The following TMEM184A variants were observed in gnomAD, a reference collection of about 807,000 sequenced individuals.
TMEM184A encodes sexually dimorphic, expressed in male gonads 1.
A neutral mutation model predicts 39.5 loss-of-function variants in TMEM184A; 40 were observed. The ratio of observed to expected loss-of-function variants is 1.01; its 90% confidence interval spans 0.79 to 1.32. The LOEUF (loss-of-function observed/expected upper bound fraction) is 1.32. TMEM184A is among the 40% of genes most tolerant of loss of function. TMEM184A has a pLI of 0.00. For missense variants in TMEM184A, 603 were observed against 568.8 expected, an observed-to-expected ratio of 1.06 and a Z score of -0.61; for synonymous variants, 280 against 252.3, an observed-to-expected ratio of 1.11 and a Z score of -1.04.
Position 1,555,824 on chromosome 7 carries a change from C to T in TMEM184A, c.-1+290G>A, listed in dbSNP as rs1778541568. The T allele has an allele frequency of 2.9e-6, 1 of 346,900 alleles. No homozygotes were observed. The highest frequency in any genetic ancestry group is 2.2e-5 in the African/African-American group (1 of 45,564). 21.5% of individuals were successfully genotyped at this position (346,900 alleles called of 1,614,324 possible). A position where few individuals can be genotyped will look rare whatever the true frequency, so the allele number is the denominator to read the frequency against. On this transcript the variant is annotated intron_variant, in intron 1 of 8. Transcript: ENST00000297477. The surrounding 1 kb of genome is among the most constrained non-coding windows in gnomAD (Gnocchi z 5.2). ...CCAGTGGGGCAGAAGAGGGGGAACCCCTGCCGCCCTGCCTGCCCGGGAGGG... is the reference window on the plus strand; with the variant it reads ...CCAGTGGGGCAGAAGAGGGGGAACCTCTGCCGCCCTGCCTGCCCGGGAGGG...
rs756982035 is a variant in TMEM184A, at chr7:1,550,793, G to A, written c.385+24C>T. 40 of 1,610,380 alleles carry A rather than the reference G, an allele frequency of 2.5e-5. No homozygotes were observed. The East Asian group carries it at 5.6e-4, about 22-fold the overall frequency. On this transcript the variant is annotated intron_variant, in intron 3 of 8. Transcript: ENST00000297477. ...GGGGAGTCTCTCCCTCCGCTCCCCC[G>A]ACCTGACGCAGCCTGGCGCCCACCT...
Position 1,549,842 on chromosome 7 carries a change from C to T in TMEM184A, c.644+12G>A, listed in dbSNP as rs374249612. ...CACCTCATGCCAGGTGTCCCCGCAGCTCCCGCCTTACTTGAAGTCCCCGTC... is the reference window on the plus strand; with the variant it reads ...CACCTCATGCCAGGTGTCCCCGCAGTTCCCGCCTTACTTGAAGTCCCCGTC... On this transcript the variant is annotated intron_variant, in intron 6 of 8. Coordinates refer to ENST00000297477, the MANE Select transcript of TMEM184A (RefSeq NM_001097620.2). 3.8e-6 allele frequency: 6 copies of T among 1,589,366 alleles called. No individual in the cohort carries two copies. The highest frequency in any genetic ancestry group is 1.1e-5 in the South Asian group (1 of 87,244).
At chr7:1,548,039 C>A (rs997460761) in intron 7 of TMEM184A, 100 bp from the exon 8 acceptor site, 1 of 1,341,942 alleles carries the variant, frequency 7.5e-7, no homozygotes, top group Non-Finnish European at 1.0e-6. Flanking sequence ...GGTGCTGTGA[C>A]CCCGTCCGTG....
In TMEM184A at chr7:1,556,141, G is replaced by A. The variant is rs1778553952; in HGVS notation, c.-28C>T. The A allele has an allele frequency of 6.5e-6, 1 of 152,996 alleles. No homozygotes were observed. The highest frequency in any genetic ancestry group is 2.4e-5 in the African/African-American group (1 of 41,472). The allele number at this position is 152,996 out of a possible 1,614,324, so 9.5% of individuals were successfully genotyped here. On this transcript the variant is annotated 5_prime_UTR_variant, in exon 1 of 9. Transcript: ENST00000297477. ...TTGCTGGCAGGAAGCACCTGGCCCA[G>A]TCCAGGGAGGCCTGGCCTCCAGGGA...
Position 1,555,127 on chromosome 7 carries a change from C to T in TMEM184A, c.219+139G>A. On this transcript the variant is annotated intron_variant, in intron 2 of 8. Transcript: ENST00000297477. The surrounding 1 kb of genome is among the most constrained non-coding windows in gnomAD (Gnocchi z 5.2). ...CCACATGCCACATCCTGGGGAAGCTCATCCCCTCCCCCGTGCCCTGGCCGA... is the reference window on the plus strand; with the variant it reads ...CCACATGCCACATCCTGGGGAAGCTTATCCCCTCCCCCGTGCCCTGGCCGA... 1 of 669,184 alleles carries T rather than the reference C, an allele frequency of 1.5e-6. No individual in the cohort carries two copies. Among genetic ancestry groups the T allele is most frequent in the Non-Finnish European group, 2.4e-6 (1 of 414,176 alleles). 41.5% of individuals were successfully genotyped at this position (669,184 alleles called of 1,614,324 possible).
rs1177482682 is a variant in TMEM184A at position 1,548,678 on chromosome 7, C to T, written c.655G>A (p.Gly219Ser). 8.7e-6 allele frequency: 14 copies of T among 1,613,416 alleles called. No individual in the cohort carries two copies. Among genetic ancestry groups the T allele is most frequent in the Admixed American group, 1.7e-5 (1 of 59,986 alleles). ...TAGATGAGGGTCACATAGAGGTAGC[C>T]GCTGCGGACACTAGGACAGACGGGG... ...YHDGDFNVRS[G>S]YLYVTLIYNA... Residue 219 changes from glycine (G) to serine (S), a missense_variant, in exon 7 of 9, where the codon GGC becomes AGC. Gly to Ser is a moderately conservative substitution (Grantham distance 56). Transcript: ENST00000297477.
chr7:1,549,066 G>A (rs1230369458), intron 6 of TMEM184A: 40 of 493,646 alleles, frequency 8.1e-5, no homozygotes, highest in East Asian at 2.3e-4. Context: ...CACAGGTGTC[G>A]TTCCCGTGTG....
chr7:1,547,962 G>T (rs1409504479), intron 7 of TMEM184A, 23 bp from the exon 8 acceptor site: 1 of 1,546,742 alleles, frequency 6.5e-7, no homozygotes, highest in Admixed American at 1.9e-5. Context: ...CGGCCGCTCA[G>T]CCCCAGCCCC....
rs1784374807 is a variant in TMEM184A at position 1,547,017 on chromosome 7, A to AGCCGCCGGAGCC, written c.1176_1177insGGCTCCGGCGGC (p.Gly392_Ser393insGlySerGlyGly). 4 of 1,596,948 alleles carry AGCCGCCGGAGCC rather than the reference A, an allele frequency of 2.5e-6. No homozygotes were observed. The highest frequency in any genetic ancestry group is 2.6e-6 in the Non-Finnish European group (3 of 1,175,350). Reference sequence around the variant, plus strand: ...CTCCGGCTCTTCCTGCTCCCGCCGGAGCCGCCGCTGGGGTGGGTGCCGGGC... The same window carrying AGCCGCCGGAGCC: ...CTCCGGCTCTTCCTGCTCCCGCCGGAGCCGCCGGAGCCGCCGCCGCTGGGGTGGGTGCCGGGC... On this transcript the variant is annotated inframe_insertion, in exon 9 of 9. Transcript: ENST00000297477.
At position 1,549,961 on chromosome 7, in the gene TMEM184A, C is replaced by A. The variant is rs371353526; in HGVS notation, c.553-16G>T. 4.2e-5 allele frequency: 68 copies of A among 1,611,934 alleles called. No individual in the cohort carries two copies. In the African/African-American group the frequency reaches 8.5e-4, roughly 20 times the overall value. On this transcript the variant is annotated splice_polypyrimidine_tract_variant and intron_variant, in intron 5 of 8. Coordinates refer to ENST00000297477, the MANE Select transcript of TMEM184A (RefSeq NM_001097620.2). ...GCAGAGTGGCCTGGGGGCGACGGCA[C>A]CCGGTGGGCCTGGGGCCAGGTCCCC... is the stretch of plus-strand genomic sequence containing the variant.
rs560086471 is a variant in TMEM184A, at chr7:1,550,166, C to T, written c.509G>A (p.Arg170Gln). 74 of 1,608,208 alleles carry T rather than the reference C, an allele frequency of 4.6e-5. 1 individual carries two copies. The highest frequency in any genetic ancestry group is 2.1e-4 in the African/African-American group (16 of 74,954). Residue 170 changes from arginine to glutamine, a missense_variant, in exon 5 of 9, where the codon CGG (arginine) becomes CAG (glutamine). By Grantham distance (43) the Arg-to-Gln change is conservative (BLOSUM62 1). Coordinates refer to ENST00000297477, the MANE Select transcript of TMEM184A (RefSeq NM_001097620.2). ...SSCLYGTCCL[R>Q]GMTYSIGFLR... ...GAACCCGATGGAGTAGGTCATGCCC[C>T]GGAGGCAGCAGGTGCCGTACAAGCA...
chr7:1,547,186 G>A lies in TMEM184A; in HGVS notation c.1013-5C>T, dbSNP rs1293732879. On this transcript the variant is annotated splice_polypyrimidine_tract_variant and splice_region_variant and intron_variant, in intron 8 of 8. Transcript: ENST00000297477. Reference sequence around the variant, plus strand: ...TCTGCATGGGTGCCGGGGGGGCTGGGGGAGGGCAGTGTATGAGCCCCACCA... The same window carrying A: ...TCTGCATGGGTGCCGGGGGGGCTGGAGGAGGGCAGTGTATGAGCCCCACCA... 1.3e-6 allele frequency: 2 copies of A among 1,555,104 alleles called. No individual in the cohort carries two copies. The highest frequency in any genetic ancestry group is 2.7e-5 in the African/African-American group (2 of 74,086).
intron 2 of TMEM184A, among the ~76,000 whole-genome samples, chr7:1,553,099 G>A (rs750893797): frequency 1.1e-4 from 17 of 151,818 alleles, no homozygotes; most frequent in African/African-American, 1.7e-4. Context: ...TTATAGTAGT[G>A]TTTGCCTTTA....
intron 2 of TMEM184A, among the ~76,000 whole-genome samples, chr7:1,554,431 CT>C (rs1295232387): frequency 2.6e-5 from 4 of 152,232 alleles, no homozygotes; most frequent in African/African-American, 9.6e-5. Context: ...CCAGCACCCC[CT>C]GAAAGCCACC....
rs1274028774 is a variant in TMEM184A, at chr7:1,555,617, C to A, written c.1-133G>T. On this transcript the variant is annotated intron_variant, in intron 1 of 8. Transcript: ENST00000297477. The surrounding 1 kb of genome is among the most constrained non-coding windows in gnomAD (Gnocchi z 5.2). Reference sequence around the variant, plus strand: ...GCTGAGCCACCCACCAGGCCGCACCCCCCACACGGACACCAGCGCCAGGCC... The same window carrying A: ...GCTGAGCCACCCACCAGGCCGCACCACCCACACGGACACCAGCGCCAGGCC... The A allele has an allele frequency of 5.6e-6, 4 of 715,428 alleles. No homozygotes were observed. The highest frequency in any genetic ancestry group is 7.3e-6 in the Non-Finnish European group (3 of 408,548). 44.3% of individuals were successfully genotyped at this position (715,428 alleles called of 1,614,324 possible). A position where few individuals can be genotyped will look rare whatever the true frequency, so the allele number is the denominator to read the frequency against.
chr7:1,545,943 C>G lies in TMEM184A; in HGVS notation c.*1009G>C, dbSNP rs375208154. ...CTGTGCCCCCTGGGAGTGTCCCCCC[C>G]GCCCAGGTACTCAGGGCCCTGCCTT... is the stretch of plus-strand genomic sequence containing the variant. On this transcript the variant is annotated 3_prime_UTR_variant, in exon 9 of 9. Coordinates refer to ENST00000297477, the MANE Select transcript of TMEM184A (RefSeq NM_001097620.2). 6.6e-6 allele frequency: 1 copy of G among 152,404 alleles called. No homozygotes were observed. Among genetic ancestry groups the G allele is most frequent in the Non-Finnish European group, 1.5e-5 (1 of 68,074 alleles). The allele number at this position is 152,404 out of a possible 1,614,324, so 9.4% of individuals were successfully genotyped here.
intron 2 of TMEM184A, among the ~76,000 whole-genome samples, chr7:1,554,932 G>A (rs1364432727): frequency 1.3e-5 from 2 of 152,198 alleles, no homozygotes; most frequent in East Asian, 3.9e-4. Flanking sequence ...AGCTATGTGA[G>A]CCTGGGAAAG....
chr7:1,549,927 G>T lies in TMEM184A; in HGVS notation c.571C>A (p.Leu191Met). Residue 191 changes from leucine to methionine, a missense_variant, in exon 6 of 9, where the codon CTG (leucine) becomes ATG (methionine). Coordinates refer to ENST00000297477, the MANE Select transcript of TMEM184A (RefSeq NM_001097620.2). The stretch of plus-strand genomic sequence containing the variant: ...GTGACGGCCATGACGGGCTTCACCA[G>T]GCAGAACTGCAGAGTGGCCTGGGGG... ...FCKQATLQFC[L>M]VKPVMAVTTI... 1 of 1,612,898 alleles carries T rather than the reference G, an allele frequency of 6.2e-7. No individual in the cohort carries two copies. Among genetic ancestry groups the T allele is most frequent in the Non-Finnish European group, 8.5e-7 (1 of 1,179,644 alleles).
At chr7:1,551,492 C>G (rs959877698) in intron 2 of TMEM184A, among the ~76,000 whole-genome samples, 2 of 152,186 alleles carry the variant, frequency 1.3e-5, no homozygotes, top group African/African-American at 4.8e-5. Flanking sequence ...CAATGGGCAT[C>G]CTTATTACAA....
Sources: gnomAD v4.1 joint callset for allele counts (sites outside exome capture counted in the v4.1 genomes callset) on GRCh38, gnomAD v4.1.1 for gene constraint, Gnocchi (gnomAD v3.1) non-coding constraint, MANE v1.5 for transcripts, NCBI Gene and HGNC (gene_info 2026-07-23, HGNC 2026-07-21) for gene names.